Variants in RAB11FIP1 observed in about 807,000 individuals in gnomAD.
RAB11FIP1 encodes the protein rab11 family-interacting protein 1.
RAB11FIP1 carries 49 observed loss-of-function variants against 83.1 expected under a neutral mutation model. That is an observed-to-expected ratio of 0.59 (90% CI 0.47 to 0.75). RAB11FIP1 has a LOEUF of 0.75. Among genes scored for constraint, RAB11FIP1 ranks in the 30% least tolerant of loss-of-function variants. The pLI, the probability that RAB11FIP1 is intolerant of heterozygous loss-of-function variation, is 0.00. For synonymous variants in RAB11FIP1, 670 were observed against 656.0 expected, an observed-to-expected ratio of 1.02 and a Z score of -0.33; for missense variants, 1,536 against 1,598.7, an observed-to-expected ratio of 0.96 and a Z score of 0.67.
intron 1 of RAB11FIP1, among the ~76,000 whole-genome samples, chr8:37,893,739 G>A (rs1037434008): frequency 6.6e-6 from 1 of 152,070 alleles, no homozygotes; most frequent in Non-Finnish European, 1.5e-5. Flanking sequence ...GCAGTGAGCT[G>A]TGATCATGTC....
chr8:37,871,765 C>T lies in RAB11FIP1; in HGVS notation c.3037G>A (p.Gly1013Arg). The change falls in exon 4 of 6, where the codon GGG becomes AGG. Residue 1013 changes from glycine (G) to arginine (R), a missense_variant. Gly to Arg is a moderately radical substitution (Grantham distance 125, BLOSUM62 -2). Coordinates refer to ENST00000330843, the MANE Select transcript of RAB11FIP1 (RefSeq NM_001002814.3). ...LVVPCPERGKGPSGEADRLVL... is the reference protein window; with the variant it reads ...LVVPCPERGKRPSGEADRLVL... ...AACCTATCTGCCTCGCCACTGGGCC[C>T]CTTTCCCCTCTCAGGACAGGGGACT... 1 of 1,613,930 alleles carries T rather than the reference C, an allele frequency of 6.2e-7. No homozygotes were observed. The highest frequency in any genetic ancestry group is 8.5e-7 in the Non-Finnish European group (1 of 1,179,964).
intron 5 of RAB11FIP1, 45 bp downstream of exon 5, chr8:37,870,374 GT>G (rs1299574676): frequency 8.8e-7 from 1 of 1,139,118 alleles, no homozygotes; most frequent in Non-Finnish European, 1.3e-6. Flanking sequence ...GGAAACGGGT[GT>G]TCTGTCAATC....
In RAB11FIP1 at chr8:37,872,539, G is replaced by C; in HGVS notation, c.2263C>G (p.Gln755Glu). ...AAGGDRDLES[Q>E]AGSLVESKAR... ...TTGCTCTCCACAAGAGACCCAGCCTGACTCTCCAAGTCTCTGTCTCCTCCT... is the reference window on the plus strand; with the variant it reads ...TTGCTCTCCACAAGAGACCCAGCCTCACTCTCCAAGTCTCTGTCTCCTCCT... Residue 755 changes from glutamine (Q) to glutamate (E), a missense_variant, in exon 4 of 6, where the codon CAG (glutamine) becomes GAG (glutamate). Coordinates refer to ENST00000330843, the MANE Select transcript of RAB11FIP1 (RefSeq NM_001002814.3). 2 of 1,614,222 alleles carry C rather than the reference G, an allele frequency of 1.2e-6. No individual in the cohort carries two copies. The highest frequency in any genetic ancestry group is 4.5e-5 in the East Asian group (2 of 44,890).
In RAB11FIP1 at chr8:37,872,427, TC is replaced by T; in HGVS notation, c.2374del (p.Glu792LysfsTer5). On this transcript the variant is annotated frameshift_variant, in exon 4 of 6. Coordinates refer to ENST00000330843, the MANE Select transcript of RAB11FIP1 (RefSeq NM_001002814.3). LOFTEE classifies it high-confidence loss of function. ...PSIDSMMRKL[E>X]EMGLNLRKDQ... ...CTTGCGGAGGTTCAGACCCATCTCT[TC>T]CAGCTTCCGCATCATGGAATCAATG... 6.2e-7 allele frequency: 1 copy of T among 1,614,146 alleles called. No homozygotes were observed. Among genetic ancestry groups the T allele is most frequent in the Non-Finnish European group, 8.5e-7 (1 of 1,180,018 alleles).
At chr8:37,876,438 AT>A (rs1003868717) in intron 2 of RAB11FIP1, among the ~76,000 whole-genome samples, 3 of 151,358 alleles carry the variant, frequency 2.0e-5, no homozygotes, top group East Asian at 2.0e-4. Flanking sequence ...TAAAAAAAAA[AT>A]TTTTTTTAAT....
chr8:37,871,445 G>A lies in RAB11FIP1; in HGVS notation c.3357C>T (p.His1119=). ...SFPSSAHSDT[H]HTSTAESQKK... is the part of the protein sequence containing the mutation. ...TTTGAGATTCTGCTGTGCTGGTGTGGTGAGTGTCAGAATGTGCAGAGCTGG... is the reference window on the plus strand; with the variant it reads ...TTTGAGATTCTGCTGTGCTGGTGTGATGAGTGTCAGAATGTGCAGAGCTGG... The change falls in exon 4 of 6, where the codon CAC becomes CAT. Residue 1119 remains histidine, a synonymous_variant. Transcript: ENST00000330843. 6.2e-7 allele frequency: 1 copy of A among 1,614,146 alleles called. No individual in the cohort carries two copies. Among genetic ancestry groups the A allele is most frequent in the Non-Finnish European group, 8.5e-7 (1 of 1,180,010 alleles).
intron 3 of RAB11FIP1, among the ~76,000 whole-genome samples, chr8:37,874,081 G>A (rs1198862820): frequency 2.6e-5 from 4 of 152,202 alleles, no homozygotes; most frequent in African/African-American, 7.2e-5. Flanking sequence ...AGAGAGGACC[G>A]AGGGTCTCTC....
chr8:37,893,713 C>T (rs1162817310), intron 1 of RAB11FIP1, among the ~76,000 whole-genome samples: 2 of 151,988 alleles, frequency 1.3e-5, no homozygotes, highest in Non-Finnish European at 2.9e-5. Flanking sequence ...TTGCTTGAAC[C>T]CAGGAGGTCG....
At chr8:37,867,695 G>A (rs1180140163) in intron 5 of RAB11FIP1, among the ~76,000 whole-genome samples, 3 of 147,886 alleles carry the variant, frequency 2.0e-5, no homozygotes, top group Admixed American at 6.9e-5. Flanking sequence ...CAACCAGAGC[G>A]AAAATCCATC....
At chr8:37,889,158 A>G (rs908773462) in intron 1 of RAB11FIP1, among the ~76,000 whole-genome samples, 1 of 152,144 alleles carries the variant, frequency 6.6e-6, no homozygotes, top group Non-Finnish European at 1.5e-5. Context: ...GGGTTTCTAC[A>G]CAGAAAAGAA....
At chr8:37,873,322 T>C (rs1806523766) in intron 3 of RAB11FIP1, 143 bp from the exon 4 acceptor site, 1 of 931,630 alleles carries the variant, frequency 1.1e-6, no homozygotes, top group Non-Finnish European at 1.5e-6. Context: ...AAAGGAACGC[T>C]AGCCGGGCGC....
chr8:37,899,050 C>A lies in RAB11FIP1; in HGVS notation c.371+21G>T. 1 of 1,454,576 alleles carries A rather than the reference C, an allele frequency of 6.9e-7. No individual in the cohort carries two copies. The highest frequency in any genetic ancestry group is 9.0e-7 in the Non-Finnish European group (1 of 1,112,826). The allele number at this position is 1,454,576 out of a possible 1,614,324, so 90.1% of individuals were successfully genotyped here. ...GGTCCGCGCCCCCAGGCCGGGCCCT[C>A]CCCTCCCCGCCCGCACTCACTGCGT... On this transcript the variant is annotated intron_variant, in intron 1 of 5. Transcript: ENST00000330843. This position sits in a 1 kb window ranked among gnomAD's most constrained non-coding sequence, Gnocchi z 4.5.
chr8:37,876,570 C>T (rs1806615497), intron 2 of RAB11FIP1, among the ~76,000 whole-genome samples: 2 of 151,524 alleles, frequency 1.3e-5, no homozygotes, highest in East Asian at 1.9e-4. Context: ...TGCACTCCAG[C>T]GTGGGCAATA....
At chr8:37,895,070 G>GTT (rs78986423) in intron 1 of RAB11FIP1, among the ~76,000 whole-genome samples, 4 of 132,040 alleles carry the variant, frequency 3.0e-5, no homozygotes, top group Non-Finnish European at 3.3e-5. Flanking sequence ...ATATATATAT[G>GTT]TTTTTTTTTT....
chr8:37,871,801 A>G lies in RAB11FIP1; in HGVS notation c.3001T>C (p.Leu1001=), dbSNP rs761042148. 7.4e-6 allele frequency: 12 copies of G among 1,614,160 alleles called. No homozygotes were observed. Among genetic ancestry groups the G allele is most frequent in the Admixed American group, 6.7e-5 (4 of 60,032 alleles). The part of the protein sequence containing the change: ...SSTLDIGALS[L]GLVVPCPERG... ...TCAGGACAGGGGACTACCAAGCCCA[A>G]GGACAAAGCTCCTATGTCCAGAGTT... The change falls in exon 4 of 6, where the codon TTG becomes CTG. Residue 1001 remains leucine (L), a synonymous_variant. Transcript: ENST00000330843.
intron 2 of RAB11FIP1, among the ~76,000 whole-genome samples, chr8:37,876,744 A>G (rs573338727): frequency 6.6e-6 from 1 of 151,664 alleles, no homozygotes; most frequent in African/African-American, 2.4e-5. Flanking sequence ...GAGCTCAAGC[A>G]ATCCTCCCAG....
At chr8:37,894,662 C>T (rs1385075349) in intron 1 of RAB11FIP1, among the ~76,000 whole-genome samples, 2 of 148,218 alleles carry the variant, frequency 1.3e-5, no homozygotes, top group African/African-American at 2.5e-5. Flanking sequence ...TCTTAGTATC[C>T]AAAAAGGTTT....
chr8:37,866,714 G>A (rs763955472), intron 5 of RAB11FIP1, among the ~76,000 whole-genome samples: 5 of 151,670 alleles, frequency 3.3e-5, no homozygotes, highest in Middle Eastern at 7.0e-3. Flanking sequence ...GATCCAGCTA[G>A]CATTTCATAA....
rs1806221329 is a variant in RAB11FIP1, at chr8:37,860,982, T to A, written c.*1913A>T. 1 of 152,520 alleles carries A rather than the reference T, an allele frequency of 6.6e-6. No homozygotes were observed. Among genetic ancestry groups the A allele is most frequent in the Non-Finnish European group, 1.5e-5 (1 of 68,092 alleles). The allele number at this position is 152,520 out of a possible 1,614,324, so 9.4% of individuals were successfully genotyped here. A position where few individuals can be genotyped will look rare whatever the true frequency, so the allele number is the denominator to read the frequency against. On this transcript the variant is annotated 3_prime_UTR_variant, in exon 6 of 6. Transcript: ENST00000330843. ...AAGAGATTCCTGATTTAATAACTGC[T>A]ATCATCTTCACCCCCAACCACGCTA...
Sources: allele counts gnomAD v4.1 joint callset (sites outside exome capture counted in the v4.1 genomes callset), GRCh38; gene constraint gnomAD v4.1.1; non-coding constraint Gnocchi (gnomAD v3.1); transcripts MANE v1.5; gene names NCBI Gene and HGNC (gene_info 2026-07-23, HGNC 2026-07-21).